GRM8: variants seen among roughly 807,000 people sequenced by gnomAD.
GRM8 encodes metabotropic glutamate receptor 8.
In GRM8, 47 loss-of-function variants were observed where a neutral mutation model predicts 87.2. The ratio of observed to expected loss-of-function variants is 0.54; its 90% confidence interval spans 0.43 to 0.69. The LOEUF is 0.69. GRM8 is among the 30% of genes least tolerant of loss of function. The pLI is 0.00. For synonymous variants in GRM8, 396 were observed against 404.5 expected, an observed-to-expected ratio of 0.98 and a Z score of 0.25; for missense variants, 1,019 against 1,139.2, an observed-to-expected ratio of 0.89 and a Z score of 1.52.
At chr7:126,803,770 A>T (rs77013423) in intron 6 of GRM8, among the ~76,000 whole-genome samples, 1,714 of 152,330 alleles carry the variant, frequency 0.011, 33 homozygotes, top group African/African-American at 0.039. Context: ...TAAGTTGTTC[A>T]CCACTTACTT....
chr7:126,961,239 G>A (rs575810152), intron 3 of GRM8, among the ~76,000 whole-genome samples: 2 of 152,312 alleles, frequency 1.3e-5, no homozygotes, highest in East Asian at 1.9e-4. Flanking sequence ...AGGCTTTGGA[G>A]AAAGAATTGC....
Position 127,012,365 on chromosome 7 carries a change from A to C in GRM8, c.727+94131T>G, listed in dbSNP as rs574074335. On this transcript the variant is annotated intron_variant, in intron 3 of 10. Transcript: ENST00000339582. ...CTGTGCTAGCAATAAGAAACAAAGA[A>C]GAGCAAGTCTCTCAGAGCAGGGATG... is the stretch of plus-strand genomic sequence containing the variant. Among the ~76,000 whole-genome samples, 27 of 151,974 alleles carry C rather than the reference A, an allele frequency of 1.8e-4. No individual in the cohort carries two copies. In the South Asian group the frequency reaches 5.4e-3, roughly 30 times the overall value.
intron 8 of GRM8, among the ~76,000 whole-genome samples, chr7:126,550,746 T>C (rs1351039303): frequency 6.6e-6 from 1 of 151,858 alleles, no homozygotes; most frequent in Non-Finnish European, 1.5e-5. Flanking sequence ...ATGAACTTAG[T>C]ATTAATTATA....
intron 7 of GRM8, among the ~76,000 whole-genome samples, chr7:126,643,116 C>A (rs1454046752): frequency 6.6e-6 from 1 of 150,758 alleles, no homozygotes; most frequent in Non-Finnish European, 1.5e-5. Context: ...CATGGCAAGA[C>A]CCGTCTCTAC....
At chr7:127,096,156 T>G (rs898927372) in intron 3 of GRM8, among the ~76,000 whole-genome samples, 9 of 152,184 alleles carry the variant, frequency 5.9e-5, no homozygotes, top group Admixed American at 5.9e-4. Flanking sequence ...TGCCCTTAAT[T>G]GAGCACTTAG....
intron 9 of GRM8, among the ~76,000 whole-genome samples, chr7:126,464,956 C>A (rs537323858): frequency 6.6e-6 from 1 of 151,718 alleles, no homozygotes; most frequent in Non-Finnish European, 1.5e-5. Context: ...TTATAATAGT[C>A]TGTGTTTTTC....
intron 10 of GRM8, among the ~76,000 whole-genome samples, chr7:126,440,047 A>G (rs1032160591): frequency 7.9e-5 from 12 of 152,062 alleles, no homozygotes; most frequent in Admixed American, 6.6e-4. Flanking sequence ...ATTTATAGTA[A>G]GCTAAAATAG....
At chr7:126,988,286 T>C (rs1203161942) in intron 3 of GRM8, among the ~76,000 whole-genome samples, 1 of 152,246 alleles carries the variant, frequency 6.6e-6, no homozygotes, top group Non-Finnish European at 1.5e-5. Context: ...GATTTAGATA[T>C]ACCATGAGAA....
intron 6 of GRM8, among the ~76,000 whole-genome samples, chr7:126,842,855 A>C (rs1484827422): frequency 2.6e-5 from 4 of 152,224 alleles, no homozygotes; most frequent in African/African-American, 4.8e-5. Context: ...TTTCATCCAG[A>C]GAGACCCATT....
chr7:126,477,946 A>G (rs952356828), intron 9 of GRM8, among the ~76,000 whole-genome samples: 5 of 152,108 alleles, frequency 3.3e-5, no homozygotes, highest in Non-Finnish European at 7.4e-5. Flanking sequence ...CTAGCTTCTG[A>G]TGGCTCCAAG....
chr7:127,189,980 A>C (rs987821670), intron 2 of GRM8, among the ~76,000 whole-genome samples: 4 of 152,262 alleles, frequency 2.6e-5, no homozygotes, highest in African/African-American at 9.6e-5. Context: ...AGCATTCAGC[A>C]ATAAGCATGT....
chr7:126,457,863 TG>T (rs1232634803), intron 9 of GRM8, among the ~76,000 whole-genome samples: 1 of 150,552 alleles, frequency 6.6e-6, no homozygotes, highest in Admixed American at 6.6e-5. Context: ...AAAAAATCTT[TG>T]GAAAGACTGT....
chr7:127,235,511 C>A (rs899764860), intron 2 of GRM8, among the ~76,000 whole-genome samples: 1 of 152,306 alleles, frequency 6.6e-6, no homozygotes, highest in East Asian at 1.9e-4. Context: ...TCGGATGAGG[C>A]TCTAGCATTG....
intron 9 of GRM8, among the ~76,000 whole-genome samples, chr7:126,522,680 G>C (rs528197042): frequency 6.6e-6 from 1 of 152,312 alleles, no homozygotes; most frequent in Admixed American, 6.5e-5. Flanking sequence ...TCCCTTCTCT[G>C]AAAGTGTAAA....
At chr7:126,918,404 G>A (rs1475128582) in intron 3 of GRM8, among the ~76,000 whole-genome samples, 2 of 152,096 alleles carry the variant, frequency 1.3e-5, no homozygotes, top group Non-Finnish European at 2.9e-5. Flanking sequence ...CCTGCTTTAT[G>A]TACAAAAGGA....
chr7:126,611,237 T>C (rs930131953), intron 7 of GRM8, among the ~76,000 whole-genome samples: 1 of 152,158 alleles, frequency 6.6e-6, no homozygotes, highest in Non-Finnish European at 1.5e-5. Flanking sequence ...GACCAAAACC[T>C]TTCTCAGCTC....
chr7:126,884,300 A>G (rs921254950), intron 6 of GRM8, among the ~76,000 whole-genome samples: 3 of 152,158 alleles, frequency 2.0e-5, no homozygotes, highest in African/African-American at 7.2e-5. Flanking sequence ...AAAGGAAATC[A>G]CGGGGGAAAA....
At chr7:126,912,071 C>A (rs528245697) in intron 3 of GRM8, among the ~76,000 whole-genome samples, 14 of 152,270 alleles carry the variant, frequency 9.2e-5, no homozygotes, top group Non-Finnish European at 1.5e-4. Flanking sequence ...GTGGCAGGCA[C>A]CTGTAGTCCC....
At chr7:126,618,493 A>G (rs1245410120) in intron 7 of GRM8, among the ~76,000 whole-genome samples, 1 of 152,220 alleles carries the variant, frequency 6.6e-6, no homozygotes, top group African/African-American at 2.4e-5. Flanking sequence ...TAAAACACCA[A>G]AAGCAATGGC....
Sources: allele counts gnomAD v4.1 joint callset (sites outside exome capture counted in the v4.1 genomes callset), GRCh38; gene constraint gnomAD v4.1.1; transcripts MANE v1.5; gene names NCBI Gene and HGNC (gene_info 2026-07-23, HGNC 2026-07-21).